The following UBA5 variants were observed in gnomAD, a reference collection of about 807,000 sequenced individuals.
UBA5 encodes the protein ubiquitin-like modifier-activating enzyme 5.
A neutral mutation model predicts 52.9 loss-of-function variants in UBA5; 28 were observed. The ratio of observed to expected loss-of-function variants is 0.53; its 90% confidence interval spans 0.39 to 0.73. The LOEUF (loss-of-function observed/expected upper bound fraction) is 0.73, where lower values mean the gene tolerates loss of function less well. UBA5 is among the 30% of genes least tolerant of loss of function. The pLI is 0.00. For synonymous variants in UBA5, 135 were observed against 162.1 expected (o/e 0.83, Z 1.27); for missense variants, 388 against 492.7 (o/e 0.79, Z 2.01).
rs532920661 is a variant in UBA5 at position 132,678,602 on chromosome 3, G to A, written c.*2076G>A. ...TCTCATAAAAATACTCCCTGGATACGTACACTGAACAACACAAAAAACGTA... is the reference window on the plus strand; with the variant it reads ...TCTCATAAAAATACTCCCTGGATACATACACTGAACAACACAAAAAACGTA... On this transcript the variant is annotated 3_prime_UTR_variant, in exon 12 of 12. Coordinates refer to ENST00000356232, the MANE Select transcript of UBA5 (RefSeq NM_024818.6). 8.5e-5 allele frequency among the ~76,000 whole-genome samples: 13 copies of A among 152,172 alleles called. No individual in the cohort carries two copies. Among genetic ancestry groups the A allele is most frequent in the African/African-American group, 1.9e-4 (8 of 41,512 alleles).
In UBA5 at chr3:132,671,041, A is replaced by G. The variant is rs753687713; in HGVS notation, c.571A>G (p.Ile191Val). 2 of 1,612,604 alleles carry G rather than the reference A, an allele frequency of 1.2e-6. No individual in the cohort carries two copies. Among genetic ancestry groups the G allele is most frequent in the East Asian group, 2.2e-5 (1 of 44,730 alleles). ...CVDNFEARMT[I>V]NTACNELGQT... The stretch of plus-strand genomic sequence containing the variant: ...GGACAATTTTGAAGCTCGAATGACA[A>G]TAAATACAGTGAGTATTCCTGCTGT... Residue 191 changes from isoleucine to valine, a missense_variant, in exon 6 of 12, where the codon ATA (isoleucine) becomes GTA (valine). By Grantham distance (29) the Ile-to-Val change is conservative (BLOSUM62 3). Around this residue, in one of 3 missense-constraint regions of UBA5, gnomAD observed 277 missense variants for 326.4 expected, o/e 0.85. Coordinates refer to ENST00000356232, the MANE Select transcript of UBA5 (RefSeq NM_024818.6).
At position 132,672,091 on chromosome 3, in the gene UBA5, G is replaced by A. The variant is rs772532453; in HGVS notation, c.726G>A (p.Lys242=). The A allele has an allele frequency of 3.1e-6, 5 of 1,613,820 alleles. No individual in the cohort carries two copies. In the African/African-American group the frequency reaches 5.3e-5, roughly 17 times the overall value. The change falls in exon 8 of 12, where the codon AAG becomes AAA. Residue 242 remains lysine, a synonymous_variant. Transcript: ENST00000356232. The part of the protein sequence containing the change: ...PLVVAANIDE[K]TLKREGVCAA... ...TAGTTGCTGCAAATATTGATGAAAA[G>A]ACTCTGAAACGAGAAGGTGTTTGTG...
intron 3 of UBA5, among the ~76,000 whole-genome samples, chr3:132,666,498 TCTTTTA>T (rs1349496531): frequency 6.6e-6 from 1 of 152,154 alleles, no homozygotes; most frequent in Non-Finnish European, 1.5e-5. Flanking sequence ...AAATTGGTAC[TCTTTTA>T]CTTTTTTCTA....
chr3:132,657,426 T>G (rs1315661895), upstream of UBA5, among the ~76,000 whole-genome samples: 1 of 152,190 alleles, frequency 6.6e-6, no homozygotes, highest in Non-Finnish European at 1.5e-5. Flanking sequence ...AGCCCTTCGC[T>G]CTTACACATA....
chr3:132,659,449 G>A, upstream of UBA5: 2 of 1,053,632 alleles, frequency 1.9e-6, no homozygotes, highest in Non-Finnish European at 2.7e-6. Context: ...AATTCGGAGG[G>A]CCGGCAATAG....
intron 1 of UBA5, among the ~76,000 whole-genome samples, chr3:132,663,893 A>G (rs944525805): frequency 3.3e-5 from 5 of 152,224 alleles, no homozygotes; most frequent in African/African-American, 1.2e-4. Flanking sequence ...AAGTATTTAG[A>G]TGATCAGGAA....
intron 3 of UBA5, 73 bp downstream of exon 3, chr3:132,666,146 T>C: frequency 1.5e-6 from 2 of 1,331,820 alleles, no homozygotes; most frequent in Admixed American, 1.8e-5. Context: ...CAAGTTAGGA[T>C]TTTTTTTCTT....
At chr3:132,669,219 A>G (rs1015565876) in intron 4 of UBA5, among the ~76,000 whole-genome samples, 5 of 152,278 alleles carry the variant, frequency 3.3e-5, no homozygotes, top group East Asian at 1.9e-4. Flanking sequence ...AGAAAATTCT[A>G]TTTTTGGACT....
upstream of UBA5, among the ~76,000 whole-genome samples, chr3:132,656,894 T>C (rs145187276): frequency 1.6e-3 from 240 of 152,078 alleles, 1 homozygote; most frequent in African/African-American, 5.6e-3. Context: ...TACAGTATAA[T>C]AAAGTTGAGC....
intron 1 of UBA5, among the ~76,000 whole-genome samples, chr3:132,654,956 T>C (rs1576628576): frequency 6.6e-6 from 1 of 152,248 alleles, no homozygotes; most frequent in East Asian, 1.9e-4. Flanking sequence ...TCCTAGGCTA[T>C]AAACCTGTGC....
intron 1 of UBA5, among the ~76,000 whole-genome samples, chr3:132,662,307 T>G (rs971221569): frequency 2.6e-5 from 4 of 152,236 alleles, no homozygotes; most frequent in African/African-American, 9.6e-5. Flanking sequence ...CAGCAAATAT[T>G]TACTGAGTAC....
At position 132,660,570 on chromosome 3, in the gene UBA5, G is replaced by T; in HGVS notation, c.33G>T (p.Arg11=). The T allele has an allele frequency of 6.4e-7, 1 of 1,550,716 alleles. No individual in the cohort carries two copies. The highest frequency in any genetic ancestry group is 1.4e-5 in the African/African-American group (1 of 73,194). ...AGTCTGTGGAGCGCCTGCAGCAGCG[G>T]GTCCAGGAGCTGGAGCGGGAACTTG... MAESVERLQQ[R]VQELERELAQ... The change falls in exon 1 of 12, where the codon CGG becomes CGT. Residue 11 remains arginine, a synonymous_variant. Coordinates refer to ENST00000356232, the MANE Select transcript of UBA5 (RefSeq NM_024818.6). This position sits in a 1 kb window ranked among gnomAD's most constrained non-coding sequence, Gnocchi z 4.1.
At position 132,660,834 on chromosome 3, in the gene UBA5, A is replaced by G; in HGVS notation, c.161+136A>G. 4.1e-6 allele frequency: 6 copies of G among 1,447,956 alleles called. No homozygotes were observed. Among genetic ancestry groups the G allele is most frequent in the Non-Finnish European group, 5.5e-6 (6 of 1,099,218 alleles). 89.7% of individuals were successfully genotyped at this position (1,447,956 alleles called of 1,614,324 possible). A position where few individuals can be genotyped will look rare whatever the true frequency, so the allele number is the denominator to read the frequency against. ...TCTTGGTCTGCGAATCCTGTTCCCA[A>G]ATGGGCAAGGCCACATCTTAGTACT... On this transcript the variant is annotated intron_variant, in intron 1 of 11. Coordinates refer to ENST00000356232, the MANE Select transcript of UBA5 (RefSeq NM_024818.6). The surrounding 1 kb of genome is among the most constrained non-coding windows in gnomAD (Gnocchi z 4.1).
intron 6 of UBA5, among the ~76,000 whole-genome samples, chr3:132,671,494 A>G (rs1002538656): frequency 6.6e-6 from 1 of 152,058 alleles, no homozygotes; most frequent in African/African-American, 2.4e-5. Context: ...TGTTCCTGCA[A>G]TGATTTTAGA....
At chr3:132,666,379 C>T (rs941649334) in intron 3 of UBA5, among the ~76,000 whole-genome samples, 12 of 152,104 alleles carry the variant, frequency 7.9e-5, no homozygotes, top group African/African-American at 2.9e-4. Context: ...GTGTGAAACA[C>T]TGAAACATCT....
upstream of UBA5, among the ~76,000 whole-genome samples, chr3:132,659,083 G>A (rs1576633936): frequency 6.6e-6 from 1 of 152,184 alleles, no homozygotes; most frequent in East Asian, 1.9e-4. Context: ...GCTACTCTCA[G>A]GATCCTCTCA....
intron 1 of UBA5, among the ~76,000 whole-genome samples, chr3:132,664,457 T>C (rs1169711248): frequency 1.3e-5 from 2 of 151,778 alleles, no homozygotes; most frequent in Admixed American, 1.3e-4. Context: ...GCAAAACTAC[T>C]GGAAGATGTT....
In UBA5 at chr3:132,664,097, CA is replaced by C. The variant is rs1938276604; in HGVS notation, c.162-1723del. Reference sequence around the variant, plus strand: ...TCCAGATAGTCCAGGAAAAACAAACCAAACAAGGAAGTAACCAGATTCTTCA... The same window carrying C: ...TCCAGATAGTCCAGGAAAAACAAACCAACAAGGAAGTAACCAGATTCTTCA... On this transcript the variant is annotated intron_variant, in intron 1 of 11. Coordinates refer to ENST00000356232, the MANE Select transcript of UBA5 (RefSeq NM_024818.6). Among the ~76,000 whole-genome samples, 3 of 152,118 alleles carry C rather than the reference CA, an allele frequency of 2.0e-5. No individual in the cohort carries two copies. The South Asian group carries it at 6.2e-4, about 32-fold the overall frequency.
At chr3:132,669,020 A>G (rs1324377367) in intron 4 of UBA5, 93 bp downstream of exon 4, 3 of 927,324 alleles carry the variant, frequency 3.2e-6, no homozygotes, top group East Asian at 2.8e-5. Flanking sequence ...ATTTTTCTCT[A>G]TAAAATGCAG....
Sources: gnomAD v4.1 joint callset for allele counts (sites outside exome capture counted in the v4.1 genomes callset) on GRCh38, gnomAD v4.1.1 for gene constraint, gnomAD v4.1.1 regional missense constraint, Gnocchi (gnomAD v3.1) non-coding constraint, MANE v1.5 for transcripts, NCBI Gene and HGNC (gene_info 2026-07-23, HGNC 2026-07-21) for gene names.